The following EEFSEC variants were observed in gnomAD, a reference collection of about 807,000 sequenced individuals.
The protein encoded by EEFSEC is eukaryotic elongation factor, selenocysteine-tRNA specific, also known as selenocysteine-specific elongation factor.
In EEFSEC, 43 loss-of-function variants were observed where a neutral mutation model predicts 42.1. The observed-to-expected ratio is 1.02, with a 90% CI of 0.80 to 1.32. The LOEUF is 1.32. EEFSEC is among the 40% of genes most tolerant of loss of function. The pLI, the probability that EEFSEC is intolerant of heterozygous loss-of-function variation, is 0.00. For missense variants in EEFSEC, 745 were observed against 803.6 expected (o/e 0.93, Z 0.88); for synonymous variants, 354 against 339.1 (o/e 1.04, Z -0.48).
At chr3:128,212,206 T>C (rs1442294507) in intron 1 of EEFSEC, among the ~76,000 whole-genome samples, 6 of 152,252 alleles carry the variant, frequency 3.9e-5, no homozygotes. Context: ...TGGTGTGAAA[T>C]GGGAGTTTGG....
chr3:128,312,695 G>A (rs943771855), intron 4 of EEFSEC, among the ~76,000 whole-genome samples: 2 of 152,274 alleles, frequency 1.3e-5, no homozygotes, highest in African/African-American at 4.8e-5. Flanking sequence ...GACAGGCAGG[G>A]CTACAGCAGG....
rs140000802 is a variant in EEFSEC at position 128,171,350 on chromosome 3, AT to A, written c.316+17536del. ...TTGTTTCTTTCAAGGTTTATTTTTA[AT>A]TTTTTTTTAATCAATGAAAATATGG... On this transcript the variant is annotated intron_variant, in intron 1 of 6. Coordinates refer to ENST00000254730, the MANE Select transcript of EEFSEC (RefSeq NM_021937.5). 0.034 allele frequency among the ~76,000 whole-genome samples: 5,085 copies of A among 151,716 alleles called. 440 individuals carry two copies. In the East Asian group the frequency reaches 0.36, roughly 11 times the overall value.
intron 5 of EEFSEC, among the ~76,000 whole-genome samples, chr3:128,351,807 C>G (rs2067388807): frequency 6.6e-6 from 1 of 152,196 alleles, no homozygotes; most frequent in Non-Finnish European, 1.5e-5. Context: ...GGAGCTCAGT[C>G]CCTCCAGTGA....
rs1031567225 is a variant in EEFSEC, at chr3:128,300,734, G to C, written c.786+35953G>C. On this transcript the variant is annotated intron_variant, in intron 4 of 6. Transcript: ENST00000254730. Reference sequence around the variant, plus strand: ...ATATGTATAGACTATGTGCATTGAAGAAATAATCCTAATGCAATATGAAAA... The same window carrying C: ...ATATGTATAGACTATGTGCATTGAACAAATAATCCTAATGCAATATGAAAA... 6.6e-5 allele frequency among the ~76,000 whole-genome samples: 10 copies of C among 152,222 alleles called. No individual in the cohort carries two copies. The East Asian group carries it at 1.9e-3, about 29-fold the overall frequency.
chr3:128,190,395 C>A (rs560648599), intron 1 of EEFSEC, among the ~76,000 whole-genome samples: 2 of 151,578 alleles, frequency 1.3e-5, no homozygotes, highest in African/African-American at 4.8e-5. Flanking sequence ...TAGTTTTTAA[C>A]AAAAAAGTTT....
chr3:128,366,529 A>AGAGGAG (rs982979437), intron 6 of EEFSEC, among the ~76,000 whole-genome samples: 2 of 152,096 alleles, frequency 1.3e-5, no homozygotes, highest in Non-Finnish European at 1.5e-5. Context: ...CTGAGGGCAC[A>AGAGGAG]GAGGAGGAGG....
chr3:128,207,566 TACACACAC>T (rs10574435), intron 1 of EEFSEC, among the ~76,000 whole-genome samples: 129 of 142,574 alleles, frequency 9.0e-4, no homozygotes, highest in Admixed American at 2.7e-3. Flanking sequence ...ACACATTGCA[TACACACAC>T]ACACACACAC....
At chr3:128,273,700 G>A (rs1005765447) in intron 4 of EEFSEC, among the ~76,000 whole-genome samples, 8 of 152,200 alleles carry the variant, frequency 5.3e-5, no homozygotes, top group African/African-American at 9.7e-5. Flanking sequence ...GTCTGTCTGC[G>A]CTCCTGATAG....
At chr3:128,349,955 G>C (rs1368694659) in intron 5 of EEFSEC, among the ~76,000 whole-genome samples, 1 of 152,230 alleles carries the variant, frequency 6.6e-6, no homozygotes, top group Admixed American at 6.5e-5. Context: ...TCCCAGCTAG[G>C]GTGATAGCAG....
chr3:128,204,309 T>G (rs1197864044), intron 1 of EEFSEC, among the ~76,000 whole-genome samples: 1 of 152,242 alleles, frequency 6.6e-6, no homozygotes, highest in Admixed American at 6.5e-5. Context: ...TAAGGATTAA[T>G]GAATTAGTAT....
chr3:128,350,455 C>A (rs937245212), intron 5 of EEFSEC, among the ~76,000 whole-genome samples: 8 of 152,184 alleles, frequency 5.3e-5, no homozygotes, highest in African/African-American at 1.9e-4. Context: ...ACATTGGCTC[C>A]CAGGCTACTT....
chr3:128,214,895 A>G (rs1354215189), intron 1 of EEFSEC, among the ~76,000 whole-genome samples: 2 of 152,256 alleles, frequency 1.3e-5, no homozygotes, highest in Non-Finnish European at 2.9e-5. Context: ...CACTGATACC[A>G]GTGAATGATT....
chr3:128,296,999 G>C (rs1205795410), intron 4 of EEFSEC, among the ~76,000 whole-genome samples: 2 of 152,160 alleles, frequency 1.3e-5, no homozygotes, highest in Non-Finnish European at 2.9e-5. Flanking sequence ...AAAGCTCCCT[G>C]CAGTCTTTCT....
chr3:128,398,762 C>T (rs547529915), intron 6 of EEFSEC, among the ~76,000 whole-genome samples: 19 of 152,300 alleles, frequency 1.2e-4, no homozygotes, highest in Non-Finnish European at 2.5e-4. Flanking sequence ...GAGCTTCTGG[C>T]CTGCACAGCA....
At chr3:128,197,790 C>G (rs1288348793) in intron 1 of EEFSEC, among the ~76,000 whole-genome samples, 1 of 152,108 alleles carries the variant, frequency 6.6e-6, no homozygotes, top group Non-Finnish European at 1.5e-5. Flanking sequence ...AAATGGAGCT[C>G]AGGGTTGAGG....
At chr3:128,390,660 T>A (rs988336542) in intron 6 of EEFSEC, among the ~76,000 whole-genome samples, 1 of 152,140 alleles carries the variant, frequency 6.6e-6, no homozygotes, top group Non-Finnish European at 1.5e-5. Flanking sequence ...TTCTCCCTGC[T>A]CCATGCTGTG....
chr3:128,335,451 G>A (rs1489153116), intron 4 of EEFSEC, among the ~76,000 whole-genome samples: 1 of 152,252 alleles, frequency 6.6e-6, no homozygotes, highest in African/African-American at 2.4e-5. Flanking sequence ...TGCAGGTGCA[G>A]AGGCCATGAG....
intron 4 of EEFSEC, among the ~76,000 whole-genome samples, chr3:128,270,855 G>A (rs888482425): frequency 3.3e-5 from 5 of 152,084 alleles, no homozygotes; most frequent in Non-Finnish European, 7.4e-5. Flanking sequence ...GGGTAGAGGT[G>A]TGCCCCGTCC....
intron 6 of EEFSEC, among the ~76,000 whole-genome samples, chr3:128,378,267 G>A (rs1258409660): frequency 6.6e-6 from 1 of 152,092 alleles, no homozygotes; most frequent in Non-Finnish European, 1.5e-5. Flanking sequence ...GCTGAGTCAC[G>A]AACCCAGAGC....
Sources: gnomAD v4.1 joint callset for allele counts (sites outside exome capture counted in the v4.1 genomes callset) on GRCh38, gnomAD v4.1.1 for gene constraint, MANE v1.5 for transcripts, NCBI Gene and HGNC (gene_info 2026-07-23, HGNC 2026-07-21) for gene names.